Variants in ZNF3 observed in about 807,000 individuals in gnomAD.
ZNF3 encodes the protein zinc finger protein 3.
In ZNF3, 16 loss-of-function variants were observed where a neutral mutation model predicts 36.9. The ratio of observed to expected loss-of-function variants is 0.43; its 90% CI spans 0.29 to 0.66. ZNF3 has a LOEUF of 0.66. Ranked by LOEUF, ZNF3 falls within the 30% of genes least tolerant of loss-of-function variation. The probability of loss-of-function intolerance (pLI) is 0.13; values close to 1 mark genes in which losing one functional copy is unlikely to be tolerated. For synonymous variants in ZNF3, 201 were observed against 201.9 expected, an observed-to-expected ratio of 1.00 and a Z score of 0.04; for missense variants, 462 against 543.1, an observed-to-expected ratio of 0.85 and a Z score of 1.48.
At chr7:100,064,853 G>C (rs1362852402) in exon 6 of ZNF3, 1 of 1,613,950 alleles carries the variant, frequency 6.2e-7, no homozygotes, top group East Asian at 2.2e-5. Flanking sequence ...GCCACACTTA[G>C]GGTCCCAGTA....
intron 1 of ZNF3, among the ~76,000 whole-genome samples, chr7:100,080,963 G>A (rs188445679): frequency 1.5e-4 from 23 of 152,300 alleles, no homozygotes; most frequent in Non-Finnish European, 3.1e-4. Flanking sequence ...ATCGGTTTCA[G>A]GTTCATCACT....
At chr7:100,073,201 G>A (rs539320796) in intron 5 of ZNF3, among the ~76,000 whole-genome samples, 19 of 152,254 alleles carry the variant, frequency 1.2e-4, no homozygotes, top group Admixed American at 5.9e-4. Flanking sequence ...CAGATCTGCC[G>A]GGGACAGAAG....
Position 100,071,675 on chromosome 7 carries a change from G to A in ZNF3, c.809C>T (p.Ala270Val). The A allele has an allele frequency of 6.2e-7, 1 of 1,611,434 alleles. No individual in the cohort carries two copies. The highest frequency in any genetic ancestry group is 8.5e-7 in the Non-Finnish European group (1 of 1,179,338). Residue 270 changes from alanine (A) to valine (V), a missense_variant, in exon 6 of 6, where the codon GCC becomes GTC. Transcript: ENST00000299667. ...GTGGATCCTCCGATGCAGAATGAGG[G>A]CAGAGCTACAGCTGAAGGTTTTCCC... ...DCGKTFSCSS[A>V]LILHRRIHTG...
At position 100,070,274 on chromosome 7, in the gene ZNF3, A is replaced by T. The variant is rs1792921775; in HGVS notation, c.*869T>A. ...GGTCTGGCTCCTGGGGCTGGGTGTCAGAGGTGAGAGGGCAGGGCAAGCAGG... is the reference window on the plus strand; with the variant it reads ...GGTCTGGCTCCTGGGGCTGGGTGTCTGAGGTGAGAGGGCAGGGCAAGCAGG... On this transcript the variant is annotated 3_prime_UTR_variant, in exon 6 of 6. Transcript: ENST00000299667. The T allele has an allele frequency of 2.0e-6, 2 of 985,376 alleles. No individual in the cohort carries two copies. Among genetic ancestry groups the T allele is most frequent in the Non-Finnish European group, 2.4e-6 (2 of 830,056 alleles). The allele number at this position is 985,376 out of a possible 1,614,324, so 61.0% of individuals were successfully genotyped here.
intron 3 of ZNF3, among the ~76,000 whole-genome samples, 183 bp from the exon 4 acceptor site, chr7:100,075,813 G>A (rs1794008301): frequency 6.6e-6 from 1 of 152,136 alleles, no homozygotes; most frequent in African/African-American, 2.4e-5. Context: ...CAAACTCAGA[G>A]CGAGTCCATC....
Position 100,071,970 on chromosome 7 carries a change from C to T in ZNF3, c.514G>A (p.Glu172Lys), listed in dbSNP as rs779494394. Residue 172 changes from glutamate (E) to lysine (K), a missense_variant, in exon 6 of 6, where the codon GAG becomes AAG. Transcript: ENST00000299667. ...CTGTTCCCAAAATCATTATATTTCT[C>T]GCTTCTCTCTCCCCTGGGGGTTAGC... ...EKLTPRGERS[E>K]KYNDFGNSFT... 33 of 1,613,998 alleles carry T rather than the reference C, an allele frequency of 2.0e-5. No individual in the cohort carries two copies. In the East Asian group the frequency reaches 2.4e-4, roughly 12 times the overall value.
At chr7:100,077,496 T>C in intron 2 of ZNF3, 63 bp from the exon 3 acceptor site, 1 of 1,490,590 alleles carries the variant, frequency 6.7e-7, no homozygotes, top group Non-Finnish European at 9.0e-7. Flanking sequence ...TACAGAAAGA[T>C]GGGAGCTAGT....
At chr7:100,077,694 T>C in intron 2 of ZNF3, 1 of 194,636 alleles carries the variant, frequency 5.1e-6, no homozygotes, top group Non-Finnish European at 1.1e-5. Context: ...AGAGCTGGGA[T>C]TACAGGCGTG....
At position 100,070,387 on chromosome 7, in the gene ZNF3, A is replaced by G. The variant is rs1792940429; in HGVS notation, c.*756T>C. 1.0e-6 allele frequency: 1 copy of G among 985,488 alleles called. No individual in the cohort carries two copies. The highest frequency in any genetic ancestry group is 1.2e-6 in the Non-Finnish European group (1 of 830,004). The allele number at this position is 985,488 out of a possible 1,614,324, so 61.0% of individuals were successfully genotyped here. ...GAGTGGGAAGAGGACAAGAGAGGAC[A>G]GCAATCAGAGGCCAACGCTAAGTGC... On this transcript the variant is annotated 3_prime_UTR_variant, in exon 6 of 6. Coordinates refer to ENST00000299667, the MANE Select transcript of ZNF3 (RefSeq NM_032924.5).
At chr7:100,065,065 A>C, downstream of ZNF3, 1 of 1,007,998 alleles carries the variant, frequency 9.9e-7, no homozygotes, top group Non-Finnish European at 1.4e-6. Flanking sequence ...TATTATAACA[A>C]ATGATGTGTT....
downstream of ZNF3, among the ~76,000 whole-genome samples, chr7:100,065,202 C>T (rs376050055): frequency 2.0e-5 from 3 of 152,064 alleles, no homozygotes; most frequent in Non-Finnish European, 4.4e-5. Context: ...CTGAGGCGGT[C>T]GATCACCTCA....
chr7:100,072,641 A>C (rs1793389405), intron 5 of ZNF3, among the ~76,000 whole-genome samples: 1 of 152,150 alleles, frequency 6.6e-6, no homozygotes, highest in South Asian at 2.1e-4. Context: ...GGGTGAGGAG[A>C]GACAGCAGCA....
downstream of ZNF3, among the ~76,000 whole-genome samples, chr7:100,066,006 G>A (rs997881117): frequency 6.6e-6 from 1 of 150,632 alleles, no homozygotes; most frequent in Admixed American, 6.7e-5. Context: ...GGTCCTTTGG[G>A]GAAATATTTA....
At chr7:100,064,574 C>G (rs1792538834) in exon 6 of ZNF3, 1 of 1,614,224 alleles carries the variant, frequency 6.2e-7, no homozygotes. Context: ...TCCAATCTTT[C>G]CAAACATCAG....
rs1334804004 is a variant in ZNF3 at position 100,071,899 on chromosome 7, C to T, written c.585G>A (p.Val195=). The change falls in exon 6 of 6, where the codon GTG becomes GTA. Residue 195 remains valine (V), a synonymous_variant. Coordinates refer to ENST00000299667, the MANE Select transcript of ZNF3 (RefSeq NM_032924.5). ...CATCACACTTATGGGGTCTGTCTCC[C>T]ACGGGGAGTCTCTGATGTGAGATAA... ...SNLISHQRLP[V]GDRPHKCDEC... 6.2e-7 allele frequency: 1 copy of T among 1,614,216 alleles called. No individual in the cohort carries two copies. The highest frequency in any genetic ancestry group is 1.1e-5 in the South Asian group (1 of 91,088).
Position 100,075,602 on chromosome 7 carries a change from G to C in ZNF3, c.84C>G (p.Ser28=). The C allele has an allele frequency of 1.2e-6, 2 of 1,614,110 alleles. No individual in the cohort carries two copies. Among genetic ancestry groups the C allele is most frequent in the Non-Finnish European group, 1.7e-6 (2 of 1,180,004 alleles). The change falls in exon 4 of 6, where the codon TCC becomes TCG. Residue 28 remains serine, a synonymous_variant. Coordinates refer to ENST00000299667, the MANE Select transcript of ZNF3 (RefSeq NM_032924.5). ...TCTCATCCCCCAGGCTGTCCTTGTC[G>C]GAAAAGGCAGGAACTTTTGAAGGAA... The part of the protein sequence containing the change: ...SALPSKVPAF[S]DKDSLGDEML...
At chr7:100,075,312 C>T (rs370060543) in intron 4 of ZNF3, 51 bp from the exon 5 acceptor site, 20 of 1,612,328 alleles carry the variant, frequency 1.2e-5, no homozygotes, top group South Asian at 2.2e-5. Context: ...ATGTGAATGG[C>T]GGCACCAAAA....
intron 1 of ZNF3, among the ~76,000 whole-genome samples, chr7:100,080,089 C>T (rs548021118): frequency 6.9e-4 from 105 of 152,232 alleles, no homozygotes; most frequent in South Asian, 5.8e-3. Context: ...ATTAAGACCA[C>T]CACCACAACT....
rs146200838 is a variant in ZNF3, at chr7:100,081,104, A to G, written c.-198+531T>C. On this transcript the variant is annotated intron_variant, in intron 1 of 5. Transcript: ENST00000299667. This position sits in a 1 kb window ranked among gnomAD's most constrained non-coding sequence, Gnocchi z 4.3. ...TGAAAACGGAGCCTGAGCCAGGTGT[A>G]TCACGCGATGCACTGGGCTCCAGCA... is the stretch of plus-strand genomic sequence containing the variant. 9.5e-4 allele frequency among the ~76,000 whole-genome samples: 144 copies of G among 152,288 alleles called. No individual in the cohort carries two copies. The highest frequency in any genetic ancestry group is 2.9e-3 in the Admixed American group (45 of 15,280).
Sources: allele counts gnomAD v4.1 joint callset (sites outside exome capture counted in the v4.1 genomes callset), GRCh38; gene constraint gnomAD v4.1.1; non-coding constraint Gnocchi (gnomAD v3.1); transcripts MANE v1.5; gene names NCBI Gene and HGNC (gene_info 2026-07-23, HGNC 2026-07-21).